LRP10: variants seen among roughly 807,000 people sequenced by gnomAD.
LRP10 encodes low-density lipoprotein receptor-related protein 10.
Under a neutral mutation model 58.5 loss-of-function variants are expected in LRP10, and 42 were observed. The ratio of observed to expected loss-of-function variants is 0.72; its 90% confidence interval spans 0.56 to 0.93. The LOEUF is 0.93. Among genes scored for constraint, LRP10 ranks in the 40% least tolerant of loss-of-function variants. LRP10 has a pLI of 0.00. For missense variants in LRP10, 872 were observed against 940.1 expected, an observed-to-expected ratio of 0.93 and a Z score of 0.95; for synonymous variants, 377 against 388.5, an observed-to-expected ratio of 0.97 and a Z score of 0.35.
chr14:22,875,785 G>C lies in LRP10; in HGVS notation c.837G>C (p.Leu279=), dbSNP rs2039997688. 2 of 1,614,186 alleles carry C rather than the reference G, an allele frequency of 1.2e-6. No homozygotes were observed. Among genetic ancestry groups the C allele is most frequent in the Non-Finnish European group, 1.7e-6 (2 of 1,180,014 alleles). ...GCAAGGCTGTCACTGTGGAGACACT[G>C]TCTGGCCAGGCTGTTGTGTCCTACC... ...SNGKAVTVET[L]SGQAVVSYHT... The change falls in exon 5 of 7, where the codon CTG becomes CTC. Residue 279 remains leucine, a synonymous_variant. Transcript: ENST00000359591.
Position 22,879,682 on chromosome 14 carries a change from G to A in LRP10, c.*2155G>A, listed in dbSNP as rs1458695890. 1 of 158,158 alleles carries A rather than the reference G, an allele frequency of 6.3e-6. No individual in the cohort carries two copies. The highest frequency in any genetic ancestry group is 1.4e-5 in the Non-Finnish European group (1 of 71,166). 9.8% of individuals were successfully genotyped at this position (158,158 alleles called of 1,614,324 possible). ...AGGGCAGAGTTCACTAAGGAGGCTT[G>A]TGCTTATAGATCAGTGGGCCTGAAA... On this transcript the variant is annotated 3_prime_UTR_variant, in exon 7 of 7. Coordinates refer to ENST00000359591, the MANE Select transcript of LRP10 (RefSeq NM_014045.5).
In LRP10 at chr14:22,877,550, G is replaced by A. The variant is rs576169854; in HGVS notation, c.*23G>A. The A allele has an allele frequency of 3.3e-6, 5 of 1,531,150 alleles. No homozygotes were observed. The South Asian group carries it at 6.1e-5, about 19-fold the overall frequency. 94.8% of individuals were successfully genotyped at this position (1,531,150 alleles called of 1,614,324 possible). Reference sequence around the variant, plus strand: ...TGAGGGGACCTGGGGGCTCTACTGAGGCCTCTCCCCTGGGGGCTCTACTCA... The same window carrying A: ...TGAGGGGACCTGGGGGCTCTACTGAAGCCTCTCCCCTGGGGGCTCTACTCA... On this transcript the variant is annotated 3_prime_UTR_variant, in exon 7 of 7. Coordinates refer to ENST00000359591, the MANE Select transcript of LRP10 (RefSeq NM_014045.5). The surrounding 1 kb of genome is among the most constrained non-coding windows in gnomAD (Gnocchi z 5.1).
chr14:22,875,007 A>G, intron 3 of LRP10, 48 bp from the exon 4 acceptor site: 2 of 1,374,414 alleles, frequency 1.5e-6, no homozygotes, highest in Non-Finnish European at 1.9e-6. Context: ...GGAGAAAGCC[A>G]GCAGCAGTCA....
intron 2 of LRP10, 131 bp from the exon 3 acceptor site, chr14:22,873,179 TG>T: frequency 9.3e-7 from 1 of 1,071,712 alleles, no homozygotes. Flanking sequence ...AGGCTGTGTG[TG>T]GGCAGGGGCA....
At position 22,877,133 on chromosome 14, in the gene LRP10, C is replaced by T. The variant is rs767418731; in HGVS notation, c.1748C>T (p.Thr583Ile). 2.5e-6 allele frequency: 4 copies of T among 1,611,150 alleles called. No homozygotes were observed. The highest frequency in any genetic ancestry group is 1.7e-5 in the Admixed American group (1 of 59,586). The change falls in exon 7 of 7, where the codon ACA becomes ATA. Residue 583 changes from threonine (T) to isoleucine (I), a missense_variant. Physicochemically the swap from Thr to Ile is moderately conservative, Grantham distance 89. Coordinates refer to ENST00000359591, the MANE Select transcript of LRP10 (RefSeq NM_014045.5). The surrounding 1 kb of genome is among the most constrained non-coding windows in gnomAD (Gnocchi z 5.1). ...GCCTCTGAGGCCAGATCCCAGGTCA[C>T]ACCTTCTGCTGCTCCCCTTGAGGCC... ...ARASEARSQV[T>I]PSAAPLEALD... is the part of the protein sequence containing the mutation.
rs1365183880 is a variant in LRP10, at chr14:22,879,850, C to T, written c.*2323C>T. The stretch of plus-strand genomic sequence containing the variant: ...CATGGAGAAACTAAGACAGAGTGTC[C>T]TGCCCAAGTGATGGCACTGGGGAGC... On this transcript the variant is annotated 3_prime_UTR_variant, in exon 7 of 7. Transcript: ENST00000359591. The T allele has an allele frequency of 6.6e-6, 1 of 152,188 alleles. No homozygotes were observed. The highest frequency in any genetic ancestry group is 1.5e-5 in the Non-Finnish European group (1 of 68,062). The allele number at this position is 152,188 out of a possible 1,614,324, so 9.4% of individuals were successfully genotyped here.
Position 22,876,356 on chromosome 14 carries a change from C to A in LRP10, c.1408C>A (p.Arg470Ser). Residue 470 changes from arginine (R) to serine (S), a missense_variant, in exon 5 of 7, where the codon CGC (arginine) becomes AGC (serine). By Grantham distance (110) the Arg-to-Ser change is moderately radical. Transcript: ENST00000359591. ...CTGCACCTGCAAGCTCTATGCCATT[C>A]GCACCCAGGAGTACAGGTCAGTGGG... ...LGCTCKLYAI[R>S]TQEYSIFAPL... 2 of 1,613,840 alleles carry A rather than the reference C, an allele frequency of 1.2e-6. No individual in the cohort carries two copies. The highest frequency in any genetic ancestry group is 1.7e-6 in the Non-Finnish European group (2 of 1,179,948).
rs555244336 is a variant in LRP10, at chr14:22,880,787, C to G, written c.*3260C>G. On this transcript the variant is annotated 3_prime_UTR_variant, in exon 7 of 7. Coordinates refer to ENST00000359591, the MANE Select transcript of LRP10 (RefSeq NM_014045.5). Reference sequence around the variant, plus strand: ...TTGGGAGGCCGAGGCAGGCGGATCACGAGGTCAAGAGATCAAGACCATCCT... The same window carrying G: ...TTGGGAGGCCGAGGCAGGCGGATCAGGAGGTCAAGAGATCAAGACCATCCT... The G allele has an allele frequency of 6.6e-6, 1 of 152,140 alleles. No individual in the cohort carries two copies. The highest frequency in any genetic ancestry group is 1.5e-5 in the Non-Finnish European group (1 of 68,082). 9.4% of individuals were successfully genotyped at this position (152,140 alleles called of 1,614,324 possible). A position where few individuals can be genotyped will look rare whatever the true frequency, so the allele number is the denominator to read the frequency against.
rs1414126731 is a variant in LRP10 at position 22,873,341 on chromosome 14, A to G, written c.110A>G (p.Glu37Gly). ...GAGGACCCCCCAGCAGTGCTCTTAG[A>G]AGTGCAGGGCACCTTACAGAGGCCC... ...ACEDPPAVLL[E>G]VQGTLQRPLV... The change falls in exon 3 of 7, where the codon GAA becomes GGA. Residue 37 changes from glutamate to glycine, a missense_variant. Physicochemically the swap from Glu to Gly is moderately conservative, Grantham distance 98. Coordinates refer to ENST00000359591, the MANE Select transcript of LRP10 (RefSeq NM_014045.5). 3 of 1,613,904 alleles carry G rather than the reference A, an allele frequency of 1.9e-6. No homozygotes were observed. Among genetic ancestry groups the G allele is most frequent in the Non-Finnish European group, 2.5e-6 (3 of 1,179,990 alleles).
At chr14:22,872,671 G>A in intron 1 of LRP10, 67 bp from the exon 2 acceptor site, 1 of 1,522,970 alleles carries the variant, frequency 6.6e-7, no homozygotes, top group East Asian at 2.3e-5. Flanking sequence ...CCCTTGAGTT[G>A]CTCAGGTGAA....
In LRP10 at chr14:22,877,170, C is replaced by T; in HGVS notation, c.1785C>T (p.Gly595=). 2 of 1,602,760 alleles carry T rather than the reference C, an allele frequency of 1.2e-6. No individual in the cohort carries two copies. The highest frequency in any genetic ancestry group is 1.1e-5 in the South Asian group (1 of 89,328). Residue 595 remains glycine, a synonymous_variant, in exon 7 of 7, where the codon GGC becomes GGT. Transcript: ENST00000359591. This position sits in a 1 kb window ranked among gnomAD's most constrained non-coding sequence, Gnocchi z 5.1. ...CTCCCCTTGAGGCCCTAGATGGTGG[C>T]ACAGGTCCAGCCCGTGAGGGCGGGG... ...SAAPLEALDG[G]TGPAREGGAV...
rs201888259 is a variant in LRP10, at chr14:22,876,227, G to A, written c.1279G>A (p.Gly427Ser). Residue 427 changes from glycine to serine, a missense_variant, in exon 5 of 7, where the codon GGC (glycine) becomes AGC (serine). Transcript: ENST00000359591. ...CGATGGGCAGCCAGACTGTGCGGAC[G>A]GCAGTGATGAGTGGGACTGCTCCTA... ...VCDGQPDCAD[G>S]SDEWDCSYVL... 1.5e-5 allele frequency: 24 copies of A among 1,614,092 alleles called. No individual in the cohort carries two copies. The highest frequency in any genetic ancestry group is 6.7e-5 in the African/African-American group (5 of 74,938).
chr14:22,872,705 T>C, intron 1 of LRP10, 33 bp from the exon 2 acceptor site: 2 of 1,610,256 alleles, frequency 1.2e-6, no homozygotes, highest in Non-Finnish European at 1.7e-6. Flanking sequence ...AAGGAGTGTC[T>C]CACGCTCCTG....
At position 22,876,205 on chromosome 14, in the gene LRP10, T is replaced by C. The variant is rs1211010936; in HGVS notation, c.1257T>C (p.Asp419=). Residue 419 remains aspartate, a synonymous_variant, in exon 5 of 7, where the codon GAT becomes GAC. Coordinates refer to ENST00000359591, the MANE Select transcript of LRP10 (RefSeq NM_014045.5). The part of the protein sequence containing the change: ...EKCVYETWVC[D]GQPDCADGSD... ...GCGTGTATGAGACGTGGGTGTGCGA[T>C]GGGCAGCCAGACTGTGCGGACGGCA... is the stretch of plus-strand genomic sequence containing the variant. 4 of 1,614,212 alleles carry C rather than the reference T, an allele frequency of 2.5e-6. No individual in the cohort carries two copies. Among genetic ancestry groups the C allele is most frequent in the Non-Finnish European group, 3.4e-6 (4 of 1,180,038 alleles).
chr14:22,878,879 G>A lies in LRP10; in HGVS notation c.*1352G>A, dbSNP rs1439061144. The A allele has an allele frequency of 3.7e-6, 1 of 271,828 alleles. No individual in the cohort carries two copies. Among genetic ancestry groups the A allele is most frequent in the East Asian group, 8.1e-5 (1 of 12,362 alleles). 16.8% of individuals were successfully genotyped at this position (271,828 alleles called of 1,614,324 possible). On this transcript the variant is annotated 3_prime_UTR_variant, in exon 7 of 7. Coordinates refer to ENST00000359591, the MANE Select transcript of LRP10 (RefSeq NM_014045.5). ...AGTGTTGGAACCCAGCCCCTAGTGAGCAAAGTGACAGAAGCTGCCCCAGAG... is the reference window on the plus strand; with the variant it reads ...AGTGTTGGAACCCAGCCCCTAGTGAACAAAGTGACAGAAGCTGCCCCAGAG...
chr14:22,877,866 A>T lies in LRP10; in HGVS notation c.*339A>T. ...GGTCTGGACACTCCATCCTTGCCAA[A>T]CCTCTACCCAAAAGTGGCCTTAAGC... is the stretch of plus-strand genomic sequence containing the variant. On this transcript the variant is annotated 3_prime_UTR_variant, in exon 7 of 7. Transcript: ENST00000359591. The surrounding 1 kb of genome is among the most constrained non-coding windows in gnomAD (Gnocchi z 5.1). 1 of 195,732 alleles carries T rather than the reference A, an allele frequency of 5.1e-6. No homozygotes were observed. The highest frequency in any genetic ancestry group is 1.0e-5 in the Non-Finnish European group (1 of 97,024). 12.1% of individuals were successfully genotyped at this position (195,732 alleles called of 1,614,324 possible).
Position 22,875,582 on chromosome 14 carries a change from G to A in LRP10, c.634G>A (p.Ala212Thr), listed in dbSNP as rs762091655. 1 of 1,614,086 alleles carries A rather than the reference G, an allele frequency of 6.2e-7. No homozygotes were observed. The highest frequency in any genetic ancestry group is 8.5e-7 in the Non-Finnish European group (1 of 1,180,026). ...VFSSPGYTHL[A>T]SVSHPQSCHW... ...CTCCTCTCCTGGATATACACACCTA[G>A]CCTCAGTCTCCCACCCCCAGTCCTG... Residue 212 changes from alanine to threonine, a missense_variant, in exon 5 of 7, where the codon GCC (alanine) becomes ACC (threonine). Transcript: ENST00000359591.
In LRP10 at chr14:22,875,166, G is replaced by A. The variant is rs1379511377; in HGVS notation, c.327G>A (p.Gly109=). Residue 109 remains glycine (G), a synonymous_variant, in exon 4 of 7, where the codon GGG becomes GGA. Transcript: ENST00000359591. ...CTCCCAGCCCTCTGCAGCTGCCCGG[G>A]GGCAACGTCACCATCACTTACAGCT... ...EAPPSPLQLP[G]GNVTITYSYA... 1 of 1,613,524 alleles carries A rather than the reference G, an allele frequency of 6.2e-7. No homozygotes were observed. Among genetic ancestry groups the A allele is most frequent in the Non-Finnish European group, 8.5e-7 (1 of 1,179,824 alleles).
At chr14:22,872,616 C>A (rs373075451) in intron 1 of LRP10, 122 bp from the exon 2 acceptor site, 50 of 951,202 alleles carry the variant, frequency 5.3e-5, no homozygotes, top group African/African-American at 5.2e-4. Context: ...CTCTCCCGCC[C>A]CCCACTCCCT....
Sources: gnomAD v4.1 joint callset for allele counts on GRCh38, gnomAD v4.1.1 for gene constraint, Gnocchi (gnomAD v3.1) non-coding constraint, MANE v1.5 for transcripts, NCBI Gene and HGNC (gene_info 2026-07-23, HGNC 2026-07-21) for gene names.